DCDC1: variants seen among roughly 807,000 people sequenced by gnomAD.
DCDC1 encodes the protein doublecortin domain-containing protein 1.
Under a neutral mutation model 178.3 loss-of-function variants are expected in DCDC1, and 200 were observed. That is an observed-to-expected ratio of 1.12 (90% confidence interval 1.00 to 1.26). The LOEUF (loss-of-function observed/expected upper bound fraction) is 1.26. Ranked by LOEUF, DCDC1 falls within the 50% of genes most tolerant of loss-of-function variation. The probability of loss-of-function intolerance (pLI) is 0.00; values close to 1 mark genes in which losing one functional copy is unlikely to be tolerated. For synonymous variants in DCDC1, 690 were observed against 604.8 expected, an observed-to-expected ratio of 1.14 and a Z score of -2.07; for missense variants, 1,983 against 1,749.2, an observed-to-expected ratio of 1.13 and a Z score of -2.38.
chr11:31,327,128 G>A (rs1949688707), intron 3 of DCDC1, among the ~76,000 whole-genome samples: 1 of 151,992 alleles, frequency 6.6e-6, no homozygotes, highest in Non-Finnish European at 1.5e-5. Context: ...TAAAACAAAG[G>A]TATTGAGACT....
At chr11:31,207,356 A>C (rs1971977589) in intron 9 of DCDC1, among the ~76,000 whole-genome samples, 1 of 152,238 alleles carries the variant, frequency 6.6e-6, no homozygotes, top group African/African-American at 2.4e-5. Context: ...CATAAAACCA[A>C]GTTAAGCAGA....
chr11:31,221,098 C>T (rs905033857), intron 9 of DCDC1, among the ~76,000 whole-genome samples: 1 of 152,152 alleles, frequency 6.6e-6, no homozygotes, highest in Non-Finnish European at 1.5e-5. Context: ...CATAATATTC[C>T]ATATGTGGAA....
intron 20 of DCDC1, among the ~76,000 whole-genome samples, chr11:31,058,117 G>C (rs1329099154): frequency 6.6e-6 from 1 of 152,086 alleles, no homozygotes; most frequent in African/African-American, 2.4e-5. Flanking sequence ...AGAATATATA[G>C]ATGATATTGA....
intron 20 of DCDC1, among the ~76,000 whole-genome samples, chr11:31,053,099 A>G (rs367557436): frequency 3.3e-4 from 51 of 152,270 alleles, no homozygotes; most frequent in African/African-American, 1.2e-3. Context: ...AGATTAACGA[A>G]GAAAAGAGAG....
chr11:31,011,930 C>T (rs1305311157), intron 20 of DCDC1, among the ~76,000 whole-genome samples: 2 of 152,154 alleles, frequency 1.3e-5, no homozygotes, highest in East Asian at 1.9e-4. Flanking sequence ...TAATCCCCAG[C>T]GTTGGAGGAG....
At chr11:31,005,090 C>T (rs112763342) in intron 20 of DCDC1, among the ~76,000 whole-genome samples, 2,734 of 152,216 alleles carry the variant, frequency 0.018, 79 homozygotes, top group African/African-American at 0.062. Context: ...GGTTGACTTG[C>T]TATTTCTGTT....
chr11:31,052,915 A>G (rs933637697), intron 20 of DCDC1, among the ~76,000 whole-genome samples: 1 of 152,116 alleles, frequency 6.6e-6, no homozygotes, highest in African/African-American at 2.4e-5. Flanking sequence ...CTAAGGTCAC[A>G]CCTCAAGGAA....
At chr11:31,347,863 T>G (rs1245971972) in intron 1 of DCDC1, among the ~76,000 whole-genome samples, 2 of 152,210 alleles carry the variant, frequency 1.3e-5, no homozygotes, top group Admixed American at 1.3e-4. Context: ...TTTGCATTTC[T>G]TGGGCATAGT....
intron 9 of DCDC1, among the ~76,000 whole-genome samples, chr11:31,236,581 TAGAA>T (rs1976492818): frequency 1.3e-5 from 2 of 151,892 alleles, no homozygotes; most frequent in African/African-American, 4.8e-5. Context: ...GCATGACACT[TAGAA>T]AGAGACACAA....
chr11:31,204,648 C>A (rs1438354264), intron 9 of DCDC1, among the ~76,000 whole-genome samples: 1 of 152,106 alleles, frequency 6.6e-6, no homozygotes, highest in Non-Finnish European at 1.5e-5. Flanking sequence ...CATGGTGAAA[C>A]CCTGTCTCTA....
chr11:30,876,207 A>C (rs1463986531), intron 38 of DCDC1, among the ~76,000 whole-genome samples: 1 of 152,238 alleles, frequency 6.6e-6, no homozygotes, highest in Non-Finnish European at 1.5e-5. Flanking sequence ...ATAGAAAAAT[A>C]CTGAAATCTG....
Position 30,952,561 on chromosome 11 carries a change from T to C in DCDC1, c.2599A>G (p.Ile867Val). Reference protein sequence around the residue: ...HPKASAQRWAIKHEGTSKPGQ... With the variant: ...HPKASAQRWAVKHEGTSKPGQ... ...GGCTTACTGGTTCCTTCATGTTTTA[T>C]GGCCCACCTAAAACAAAAGATAAAA... The change falls in exon 21 of 39, where the codon ATA (isoleucine) becomes GTA (valine). Residue 867 changes from isoleucine (I) to valine (V), a missense_variant. Transcript: ENST00000684477. The C allele has an allele frequency of 1.5e-6, 2 of 1,353,196 alleles. No homozygotes were observed. Among genetic ancestry groups the C allele is most frequent in the African/African-American group, 1.4e-5 (1 of 70,042 alleles). 83.8% of individuals were successfully genotyped at this position (1,353,196 alleles called of 1,614,324 possible). A position where few individuals can be genotyped will look rare whatever the true frequency, so the allele number is the denominator to read the frequency against.
Position 30,988,420 on chromosome 11 carries a change from A to G in DCDC1, c.2592-35852T>C, listed in dbSNP as rs527422262. Among the ~76,000 whole-genome samples the G allele has an allele frequency of 2.0e-5, 3 of 152,282 alleles. No homozygotes were observed. The South Asian group carries it at 6.2e-4, about 32-fold the overall frequency. Reference sequence around the variant, plus strand: ...AAATTCCCAGCTATTCAGCTTGAAAAAAAATGGGATGATGATGATGATAAC... The same window carrying G: ...AAATTCCCAGCTATTCAGCTTGAAAGAAAATGGGATGATGATGATGATAAC... On this transcript the variant is annotated intron_variant, in intron 20 of 38. Coordinates refer to ENST00000684477, the MANE Select transcript of DCDC1 (RefSeq NM_001387274.1).
At chr11:30,869,280 A>G (rs1941312630) in intron 38 of DCDC1, among the ~76,000 whole-genome samples, 1 of 152,266 alleles carries the variant, frequency 6.6e-6, no homozygotes, top group Admixed American at 6.5e-5. Flanking sequence ...TAAGAAGGCA[A>G]TGTGATGTTC....
intron 9 of DCDC1, among the ~76,000 whole-genome samples, chr11:31,211,727 T>G (rs1352085045): frequency 1.3e-5 from 2 of 152,156 alleles, no homozygotes; most frequent in African/African-American, 4.8e-5. Flanking sequence ...AGTTATAGTT[T>G]ACGTTCCATA....
chr11:31,290,906 G>A lies in DCDC1; in HGVS notation c.755-54C>T, dbSNP rs1947182613. ...ATATTTGGCTTCAAAATTAAAAATG[G>A]ACACATCATACTTCCCTCCCTCTAT... On this transcript the variant is annotated intron_variant, in intron 6 of 38. Coordinates refer to ENST00000684477, the MANE Select transcript of DCDC1 (RefSeq NM_001387274.1). 15 of 1,507,826 alleles carry A rather than the reference G, an allele frequency of 9.9e-6. No homozygotes were observed. The South Asian group carries it at 1.8e-4, about 18-fold the overall frequency. The allele number at this position is 1,507,826 out of a possible 1,614,324, so 93.4% of individuals were successfully genotyped here. A position where few individuals can be genotyped will look rare whatever the true frequency, so the allele number is the denominator to read the frequency against.
chr11:31,341,872 A>ATT (rs1950569567), intron 1 of DCDC1, among the ~76,000 whole-genome samples: 1 of 149,150 alleles, frequency 6.7e-6, no homozygotes, highest in Non-Finnish European at 1.5e-5. Context: ...TCTCTGTAGA[A>ATT]CCCTGACTAA....
intron 2 of DCDC1, among the ~76,000 whole-genome samples, chr11:31,335,197 A>T (rs1187517261): frequency 1.3e-5 from 2 of 152,152 alleles, no homozygotes; most frequent in Non-Finnish European, 2.9e-5. Context: ...TGGGCATGGG[A>T]CCCACTGAAG....
At chr11:31,068,424 T>C (rs745887533) in intron 18 of DCDC1, among the ~76,000 whole-genome samples, 1 of 152,200 alleles carries the variant, frequency 6.6e-6, no homozygotes, top group African/African-American at 2.4e-5. Flanking sequence ...CATTGCAGCA[T>C]TGCTCATATT....
Sources: allele counts gnomAD v4.1 joint callset (sites outside exome capture counted in the v4.1 genomes callset), GRCh38; gene constraint gnomAD v4.1.1; transcripts MANE v1.5; gene names NCBI Gene and HGNC (gene_info 2026-07-23, HGNC 2026-07-21).